TOX: variants seen among roughly 807,000 people sequenced by gnomAD.
The protein encoded by TOX is thymocyte selection associated high mobility group box.
Under a neutral mutation model 53.7 loss-of-function variants are expected in TOX, and 11 were observed. The ratio of observed to expected loss-of-function variants is 0.20; its 90% CI spans 0.13 to 0.34. The LOEUF is 0.34. Among genes scored for constraint, TOX ranks in the 10% least tolerant of loss-of-function variants. TOX has a pLI of 1.00. For missense variants in TOX, 570 were observed against 664.6 expected, an observed-to-expected ratio of 0.86 and a Z score of 1.56; for synonymous variants, 225 against 245.3, an observed-to-expected ratio of 0.92 and a Z score of 0.77.
intron 3 of TOX, among the ~76,000 whole-genome samples, chr8:58,904,833 T>G (rs918906692): frequency 6.6e-6 from 1 of 152,204 alleles, no homozygotes; most frequent in African/African-American, 2.4e-5. Flanking sequence ...TAGCCAAATC[T>G]GAATGTATGG....
chr8:59,049,351 C>T (rs1803747182), intron 1 of TOX, among the ~76,000 whole-genome samples: 1 of 152,078 alleles, frequency 6.6e-6, no homozygotes, highest in Non-Finnish European at 1.5e-5. Context: ...ATCACAAAGA[C>T]CCTAAAGTTT....
chr8:59,114,991 A>G (rs1256901193), intron 1 of TOX, among the ~76,000 whole-genome samples: 1 of 152,192 alleles, frequency 6.6e-6, no homozygotes, highest in Non-Finnish European at 1.5e-5. Context: ...GTGCGTTTTT[A>G]CGAAAAAGAA....
intron 1 of TOX, among the ~76,000 whole-genome samples, chr8:59,002,388 G>T (rs552566478): frequency 1.3e-5 from 2 of 151,386 alleles, no homozygotes; most frequent in African/African-American, 4.8e-5. Context: ...GTCAGGAGAT[G>T]GAGACCATCC....
At chr8:58,823,701 T>C (rs1483600200) in intron 6 of TOX, among the ~76,000 whole-genome samples, 2 of 152,188 alleles carry the variant, frequency 1.3e-5, no homozygotes, top group East Asian at 1.9e-4. Context: ...AACAGTCCAC[T>C]TGGATCTGCT....
At position 58,811,612 on chromosome 8, in the gene TOX, G is replaced by A. The variant is rs538382636; in HGVS notation, c.1393-3343C>T. 3.9e-5 allele frequency among the ~76,000 whole-genome samples: 6 copies of A among 152,254 alleles called. No homozygotes were observed. The East Asian group carries it at 9.7e-4, about 24-fold the overall frequency. ...AACTGATTTATTCATCAATCTCAAT[G>A]TGATTTTTTTTAAACCTTTAAATTA... On this transcript the variant is annotated intron_variant, in intron 7 of 8. Coordinates refer to ENST00000361421, the MANE Select transcript of TOX (RefSeq NM_014729.3).
At chr8:59,058,762 C>A (rs1803928553) in intron 1 of TOX, among the ~76,000 whole-genome samples, 1 of 152,196 alleles carries the variant, frequency 6.6e-6, no homozygotes, top group Admixed American at 6.5e-5. Flanking sequence ...TCCCCACCTG[C>A]AACTATTTTC....
intron 2 of TOX, among the ~76,000 whole-genome samples, chr8:58,940,018 G>A (rs1328486803): frequency 6.6e-6 from 1 of 152,126 alleles, no homozygotes; most frequent in Non-Finnish European, 1.5e-5. Flanking sequence ...GCTCACAATT[G>A]ACAAAAGAAA....
intron 7 of TOX, among the ~76,000 whole-genome samples, chr8:58,810,090 A>G (rs1810052425): frequency 6.6e-6 from 1 of 151,880 alleles, no homozygotes; most frequent in African/African-American, 2.4e-5. Context: ...GACTAATGCA[A>G]CCCTTATGCC....
intron 3 of TOX, among the ~76,000 whole-genome samples, chr8:58,912,764 A>G (rs1811928804): frequency 6.6e-6 from 1 of 152,136 alleles, no homozygotes; most frequent in Admixed American, 6.5e-5. Flanking sequence ...CTCTGACTAC[A>G]TTGCCAAGAT....
chr8:59,069,923 G>A (rs574780608), intron 1 of TOX, among the ~76,000 whole-genome samples: 80 of 152,288 alleles, frequency 5.3e-4, no homozygotes, highest in Middle Eastern at 3.4e-3. Flanking sequence ...CTGAGGAGTC[G>A]GAACAGGTGA....
intron 1 of TOX, among the ~76,000 whole-genome samples, chr8:58,965,620 G>A (rs922587896): frequency 1.3e-5 from 2 of 152,070 alleles, no homozygotes; most frequent in African/African-American, 4.8e-5. Flanking sequence ...CTGCTGCTGA[G>A]GGGGAAAAAC....
At chr8:59,044,081 A>T (rs1418331416) in intron 1 of TOX, among the ~76,000 whole-genome samples, 1 of 152,172 alleles carries the variant, frequency 6.6e-6, no homozygotes, top group African/African-American at 2.4e-5. Flanking sequence ...CTCTGGTGTA[A>T]CACTTAAAAA....
At chr8:58,967,532 C>T (rs567275902) in intron 1 of TOX, among the ~76,000 whole-genome samples, 1 of 152,228 alleles carries the variant, frequency 6.6e-6, no homozygotes, top group Admixed American at 6.5e-5. Context: ...CAGCTACAAA[C>T]CAAGGTGTCC....
intron 1 of TOX, among the ~76,000 whole-genome samples, chr8:59,028,970 T>C (rs1194826641): frequency 6.6e-6 from 1 of 152,192 alleles, no homozygotes; most frequent in African/African-American, 2.4e-5. Flanking sequence ...TGTAAAATTC[T>C]GAATTGAGGC....
At position 58,937,281 on chromosome 8, in the gene TOX, C is replaced by A. The variant is rs548248219; in HGVS notation, c.411+2021G>T. Reference sequence around the variant, plus strand: ...AATAGTAGATTTGTTTCCCCTATACCCTGCAAAGTGTTGAAAGTTCCTAGG... The same window carrying A: ...AATAGTAGATTTGTTTCCCCTATACACTGCAAAGTGTTGAAAGTTCCTAGG... On this transcript the variant is annotated intron_variant, in intron 3 of 8. Transcript: ENST00000361421. Among the ~76,000 whole-genome samples, 4 of 152,272 alleles carry A rather than the reference C, an allele frequency of 2.6e-5. No individual in the cohort carries two copies. The South Asian group carries it at 8.3e-4, about 32-fold the overall frequency.
At chr8:59,019,457 ATAGTG>A (rs1814079912) in intron 1 of TOX, among the ~76,000 whole-genome samples, 1 of 152,228 alleles carries the variant, frequency 6.6e-6, no homozygotes, top group African/African-American at 2.4e-5. Flanking sequence ...CACAGAAAGA[ATAGTG>A]TAATGGAAAC....
chr8:58,957,820 TC>T (rs1812736984), intron 2 of TOX, among the ~76,000 whole-genome samples: 2 of 152,182 alleles, frequency 1.3e-5, no homozygotes, highest in African/African-American at 4.8e-5. Context: ...ATTTTTTTTT[TC>T]CCTGCAGGAT....
intron 6 of TOX, among the ~76,000 whole-genome samples, chr8:58,819,094 G>A (rs188090504): frequency 4.3e-4 from 66 of 152,276 alleles, no homozygotes; most frequent in African/African-American, 1.4e-3. Flanking sequence ...GTGGCAAACT[G>A]CCATAAATTC....
chr8:58,965,044 G>C (rs1439197233), intron 1 of TOX, among the ~76,000 whole-genome samples: 1 of 152,056 alleles, frequency 6.6e-6, no homozygotes, highest in Admixed American at 6.5e-5. Context: ...TCCTTACTCC[G>C]TATGCTCATC....
Sources: gnomAD v4.1 joint callset for allele counts (sites outside exome capture counted in the v4.1 genomes callset) on GRCh38, gnomAD v4.1.1 for gene constraint, MANE v1.5 for transcripts, NCBI Gene and HGNC (gene_info 2026-07-23, HGNC 2026-07-21) for gene names.